The following GRIP1 variants were observed in gnomAD, a reference collection of about 807,000 sequenced individuals.
The protein encoded by GRIP1 is glutamate receptor-interacting protein 1.
Under a neutral mutation model 129.9 loss-of-function variants are expected in GRIP1, and 45 were observed. That is an observed-to-expected ratio of 0.35 (90% confidence interval 0.27 to 0.44). GRIP1 has a LOEUF of 0.44. Ranked by LOEUF, GRIP1 falls within the 20% of genes least tolerant of loss-of-function variation. The pLI is 1.00. For missense variants in GRIP1, 1,196 were observed against 1,396.8 expected (o/e 0.86, Z 2.29); for synonymous variants, 530 against 520.8 (o/e 1.02, Z -0.24).
At chr12:66,643,342 A>G (rs548436753) in intron 1 of GRIP1, among the ~76,000 whole-genome samples, 196 of 152,346 alleles carry the variant, frequency 1.3e-3, no homozygotes, top group African/African-American at 4.4e-3. Context: ...TAATAAATAT[A>G]TTAGTGACAA....
In GRIP1 at chr12:66,416,339, A is replaced by C. The variant is rs142944992; in HGVS notation, c.1838+4381T>G. Among the ~76,000 whole-genome samples, 45 of 152,290 alleles carry C rather than the reference A, an allele frequency of 3.0e-4. No homozygotes were observed. In the East Asian group the frequency reaches 7.9e-3, roughly 27 times the overall value. ...CTTCAAATAAATAACCTAACAATGC[A>C]TCTTAAAGAATCAGAAAAGCAAGAG... is the stretch of plus-strand genomic sequence containing the variant. On this transcript the variant is annotated intron_variant, in intron 15 of 24. Coordinates refer to ENST00000359742, the MANE Select transcript of GRIP1 (RefSeq NM_001366722.1).
intron 1 of GRIP1, among the ~76,000 whole-genome samples, chr12:66,901,049 T>A (rs571404045): frequency 6.6e-6 from 1 of 152,194 alleles, no homozygotes; most frequent in South Asian, 2.1e-4. Flanking sequence ...AATATTTAAA[T>A]CAGCTGCATG....
At chr12:66,556,513 CA>C (rs555457758) in intron 2 of GRIP1, among the ~76,000 whole-genome samples, 10 of 151,770 alleles carry the variant, frequency 6.6e-5, no homozygotes, top group Non-Finnish European at 1.2e-4. Flanking sequence ...TAATAGGAAG[CA>C]CCAAGAAAAA....
At chr12:66,418,993 C>T (rs1357791439) in intron 15 of GRIP1, among the ~76,000 whole-genome samples, 1 of 152,140 alleles carries the variant, frequency 6.6e-6, no homozygotes, top group East Asian at 1.9e-4. Flanking sequence ...ATCTGCACTC[C>T]TATGTTTGCT....
intron 7 of GRIP1, among the ~76,000 whole-genome samples, chr12:66,484,399 C>T (rs980270034): frequency 3.9e-5 from 6 of 152,164 alleles, no homozygotes; most frequent in Non-Finnish European, 8.8e-5. Context: ...TTCTGCTATG[C>T]TCTGCACAAT....
At chr12:66,524,492 C>T (rs1447180983) in intron 5 of GRIP1, among the ~76,000 whole-genome samples, 2 of 151,972 alleles carry the variant, frequency 1.3e-5, no homozygotes, top group African/African-American at 2.4e-5. Context: ...AGAACAAAGA[C>T]ACAACATACC....
chr12:67,014,292 T>C (rs2135723668), intron 1 of GRIP1, among the ~76,000 whole-genome samples: 1 of 152,320 alleles, frequency 6.6e-6, no homozygotes, highest in South Asian at 2.1e-4. Context: ...CAAAGTTCTC[T>C]TTCACTTCCA....
intron 1 of GRIP1, among the ~76,000 whole-genome samples, chr12:66,792,518 A>G (rs1335338730): frequency 6.6e-5 from 10 of 152,164 alleles, no homozygotes; most frequent in Non-Finnish European, 1.0e-4. Flanking sequence ...CAGCCTGGGC[A>G]ATATGGCAAA....
intron 1 of GRIP1, among the ~76,000 whole-genome samples, chr12:66,788,567 GT>G: frequency 6.6e-6 from 1 of 151,796 alleles, no homozygotes; most frequent in Non-Finnish European, 1.5e-5. Flanking sequence ...AAAAAAAACT[GT>G]GTTTTTTTTG....
intron 1 of GRIP1, among the ~76,000 whole-genome samples, chr12:66,695,558 G>A (rs77112297): frequency 0.045 from 6,821 of 152,240 alleles, 271 homozygotes; most frequent in East Asian, 0.2. Context: ...TAGGCAGGTA[G>A]GAGGTTATCT....
chr12:66,761,273 T>C (rs2037467025), intron 1 of GRIP1, among the ~76,000 whole-genome samples: 1 of 152,104 alleles, frequency 6.6e-6, no homozygotes, highest in South Asian at 2.1e-4. Context: ...GATTCTCCCT[T>C]GTGTCTTCCA....
chr12:66,384,096 A>G (rs1333817178), intron 19 of GRIP1, among the ~76,000 whole-genome samples: 1 of 152,206 alleles, frequency 6.6e-6, no homozygotes, highest in Non-Finnish European at 1.5e-5. Context: ...AAGTCAATGT[A>G]TTATTAGAGT....
At chr12:66,603,965 C>G (rs776071601) in intron 1 of GRIP1, among the ~76,000 whole-genome samples, 1 of 152,156 alleles carries the variant, frequency 6.6e-6, no homozygotes, top group Non-Finnish European at 1.5e-5. Context: ...TACCCCTTAG[C>G]TAGTAAAGGT....
At chr12:66,541,993 A>C in intron 2 of GRIP1, 43 bp from the exon 3 acceptor site, 1 of 1,577,476 alleles carries the variant, frequency 6.3e-7, no homozygotes, top group Non-Finnish European at 8.7e-7. Context: ...TGAGAGTAGA[A>C]TCACCAATGT....
At chr12:66,929,313 G>A (rs527670298) in intron 1 of GRIP1, among the ~76,000 whole-genome samples, 1 of 152,216 alleles carries the variant, frequency 6.6e-6, no homozygotes, top group African/African-American at 2.4e-5. Flanking sequence ...AAGCCACCCT[G>A]ACCACCCTAC....
intron 1 of GRIP1, among the ~76,000 whole-genome samples, chr12:66,601,703 A>G (rs1390127227): frequency 1.3e-5 from 2 of 152,194 alleles, no homozygotes; most frequent in Non-Finnish European, 2.9e-5. Context: ...CATTATGACC[A>G]TTTCCCAGCA....
At chr12:66,599,403 C>G (rs563721035) in intron 1 of GRIP1, among the ~76,000 whole-genome samples, 1 of 152,278 alleles carries the variant, frequency 6.6e-6, no homozygotes, top group Admixed American at 6.5e-5. Flanking sequence ...GAGGGCATAG[C>G]AGCAGAGCAG....
intron 1 of GRIP1, among the ~76,000 whole-genome samples, chr12:66,969,603 A>T (rs771951699): frequency 2.0e-5 from 3 of 151,854 alleles, no homozygotes; most frequent in Non-Finnish European, 4.4e-5. Flanking sequence ...TTTTTTTAGA[A>T]ACAGGGTCTC....
At chr12:66,827,413 A>C (rs1040297219) in intron 1 of GRIP1, among the ~76,000 whole-genome samples, 4 of 150,888 alleles carry the variant, frequency 2.7e-5, no homozygotes, top group Non-Finnish European at 4.4e-5. Flanking sequence ...AGAGAGAGAG[A>C]GAGCGCACAA....
Sources: allele counts gnomAD v4.1 joint callset (sites outside exome capture counted in the v4.1 genomes callset), GRCh38; gene constraint gnomAD v4.1.1; transcripts MANE v1.5; gene names NCBI Gene and HGNC (gene_info 2026-07-23, HGNC 2026-07-21).